OSBP2: variants seen among roughly 807,000 people sequenced by gnomAD.
OSBP2 encodes oxysterol binding protein 2.
In OSBP2, 66 loss-of-function variants were observed where a neutral mutation model predicts 96.0. The observed-to-expected ratio is 0.69, with a 90% CI of 0.56 to 0.84. The LOEUF is 0.84. Ranked by LOEUF, OSBP2 falls within the 40% of genes least tolerant of loss-of-function variation. OSBP2 has a pLI of 0.00. For synonymous variants in OSBP2, 525 were observed against 520.9 expected (o/e 1.01, Z -0.11); for missense variants, 1,038 against 1,222.7 (o/e 0.85, Z 2.25).
At chr22:30,737,666 T>C (rs533936600) in intron 1 of OSBP2, among the ~76,000 whole-genome samples, 39 of 152,102 alleles carry the variant, frequency 2.6e-4, no homozygotes, top group Admixed American at 7.9e-4. Flanking sequence ...GTTTCTTTCC[T>C]GATTTTAGGC....
At chr22:30,886,495 G>C (rs963288233) in intron 3 of OSBP2, among the ~76,000 whole-genome samples, 2 of 150,780 alleles carry the variant, frequency 1.3e-5, no homozygotes, top group African/African-American at 4.8e-5. Context: ...CATCTCTTCA[G>C]GGTTGGGAGG....
In OSBP2 at chr22:30,906,398, G is replaced by A; in HGVS notation, c.*59G>A. On this transcript the variant is annotated 3_prime_UTR_variant, in exon 14 of 14. Coordinates refer to ENST00000332585, the MANE Select transcript of OSBP2 (RefSeq NM_030758.4). ...CAGCCTGGCCCACCTGTTCATTAAT[G>A]CACTCAATTTAGTACTGAATGGTCT... The A allele has an allele frequency of 6.6e-7, 1 of 1,524,354 alleles. No homozygotes were observed. Among genetic ancestry groups the A allele is most frequent in the South Asian group, 1.3e-5 (1 of 76,930 alleles). The allele number at this position is 1,524,354 out of a possible 1,614,324, so 94.4% of individuals were successfully genotyped here.
At chr22:30,829,158 C>T (rs562774386) in intron 2 of OSBP2, among the ~76,000 whole-genome samples, 37 of 152,320 alleles carry the variant, frequency 2.4e-4, no homozygotes, top group African/African-American at 8.7e-4. Context: ...GAGAACATAG[C>T]GTGCTCTCCA....
intron 2 of OSBP2, among the ~76,000 whole-genome samples, chr22:30,809,439 G>A (rs976501206): frequency 2.6e-5 from 4 of 152,210 alleles, no homozygotes; most frequent in African/African-American, 9.6e-5. Context: ...AGCTGTCAAG[G>A]AAGTCTCCTT....
chr22:30,737,315 C>A (rs932617098), intron 1 of OSBP2, among the ~76,000 whole-genome samples: 1 of 110,426 alleles, frequency 9.1e-6, no homozygotes, highest in African/African-American at 3.7e-5. Flanking sequence ...TGCGCCCGGC[C>A]TTTTTTTTTT....
At chr22:30,741,927 A>G (rs1281436686) in intron 2 of OSBP2, among the ~76,000 whole-genome samples, 1 of 151,780 alleles carries the variant, frequency 6.6e-6, no homozygotes, top group Non-Finnish European at 1.5e-5. Flanking sequence ...TCAAGCAATT[A>G]TCCTGCCTTA....
At chr22:30,764,523 T>A in intron 2 of OSBP2, 1 of 391,174 alleles carries the variant, frequency 2.6e-6, no homozygotes, top group Non-Finnish European at 3.5e-6. Context: ...CCTGTGTGCC[T>A]GGGGATGCAA....
At chr22:30,731,011 A>G (rs1051194522) in intron 1 of OSBP2, among the ~76,000 whole-genome samples, 9 of 149,794 alleles carry the variant, frequency 6.0e-5, no homozygotes, top group Non-Finnish European at 1.3e-4. Context: ...TGTCTTTACT[A>G]AAGATGCAAA....
intron 2 of OSBP2, among the ~76,000 whole-genome samples, chr22:30,864,958 G>A (rs1286492121): frequency 2.0e-5 from 3 of 152,278 alleles, no homozygotes; most frequent in South Asian, 2.1e-4. Flanking sequence ...AAGCACCACC[G>A]GGTCACCTTC....
chr22:30,694,930 G>A lies in OSBP2; in HGVS notation c.21G>A (p.Pro7=). The A allele has an allele frequency of 4.7e-6, 7 of 1,492,680 alleles. No individual in the cohort carries two copies. The highest frequency in any genetic ancestry group is 6.2e-6 in the Non-Finnish European group (7 of 1,131,068). 92.5% of individuals were successfully genotyped at this position (1,492,680 alleles called of 1,614,324 possible). ...GCTCTATGGGGAAAGCGGCGGCTCCGAGCCGAGGCGGCGGCTGTGGCGGCC... is the reference window on the plus strand; with the variant it reads ...GCTCTATGGGGAAAGCGGCGGCTCCAAGCCGAGGCGGCGGCTGTGGCGGCC... The part of the protein sequence containing the change: MGKAAA[P]SRGGGCGGRS... The change falls in exon 1 of 14, where the codon CCG becomes CCA. Residue 7 remains proline, a synonymous_variant. Transcript: ENST00000332585.
chr22:30,856,373 C>CTTTTTTTTTTTTTTT (rs56875088), intron 2 of OSBP2, among the ~76,000 whole-genome samples: 54 of 101,426 alleles, frequency 5.3e-4, no homozygotes, highest in African/African-American at 1.4e-3. Context: ...CAGAGCCCTT[C>CTTTTTTTTTTTTTTT]TTTTTTTTTT....
chr22:30,853,904 C>T (rs1602360303), intron 2 of OSBP2, among the ~76,000 whole-genome samples: 3 of 152,052 alleles, frequency 2.0e-5, no homozygotes, highest in Non-Finnish European at 2.9e-5. Context: ...GGATTACAGG[C>T]GCCCGCCACC....
At chr22:30,778,637 C>T (rs1337029551) in intron 2 of OSBP2, among the ~76,000 whole-genome samples, 1 of 152,048 alleles carries the variant, frequency 6.6e-6, no homozygotes, top group African/African-American at 2.4e-5. Context: ...CTTGATTTCC[C>T]CTGTCCTCTA....
At chr22:30,730,756 CTCTCTCTCTCT>C (rs1223996826) in intron 1 of OSBP2, among the ~76,000 whole-genome samples, 2 of 44,898 alleles carry the variant, frequency 4.5e-5, no homozygotes, top group Admixed American at 2.8e-4. Flanking sequence ...CTCTCTCTCT[CTCTCTCTCTCT>C]CTCTCTCTAT....
intron 2 of OSBP2, among the ~76,000 whole-genome samples, chr22:30,809,050 A>G (rs2090971896): frequency 6.6e-6 from 1 of 152,172 alleles, no homozygotes; most frequent in South Asian, 2.1e-4. Flanking sequence ...AGAGGCAGAG[A>G]TTGGAATTAT....
chr22:30,735,663 T>G (rs1300049978), intron 1 of OSBP2, among the ~76,000 whole-genome samples: 1 of 152,062 alleles, frequency 6.6e-6, no homozygotes, highest in Non-Finnish European at 1.5e-5. Flanking sequence ...CTAAACCTAT[T>G]TATATTAAAT....
intron 2 of OSBP2, among the ~76,000 whole-genome samples, chr22:30,758,372 G>A (rs1450291442): frequency 6.6e-6 from 1 of 152,190 alleles, no homozygotes; most frequent in Non-Finnish European, 1.5e-5. Context: ...CTGCATTCCA[G>A]CCTGGGTGAC....
At chr22:30,806,555 A>G (rs969369436) in intron 2 of OSBP2, among the ~76,000 whole-genome samples, 15 of 152,192 alleles carry the variant, frequency 9.9e-5, no homozygotes, top group African/African-American at 3.6e-4. Flanking sequence ...CCAACCTCTC[A>G]TAATATGAAT....
intron 2 of OSBP2, among the ~76,000 whole-genome samples, chr22:30,763,752 A>C (rs1056254501): frequency 6.6e-6 from 1 of 152,204 alleles, no homozygotes; most frequent in Non-Finnish European, 1.5e-5. Context: ...TATATACTAA[A>C]ATTTATTTAT....
Sources: allele counts gnomAD v4.1 joint callset (sites outside exome capture counted in the v4.1 genomes callset), GRCh38; gene constraint gnomAD v4.1.1; transcripts MANE v1.5; gene names NCBI Gene and HGNC (gene_info 2026-07-23, HGNC 2026-07-21).